TP63: variants seen among roughly 807,000 people sequenced by gnomAD.
TP63 encodes tumor protein 63.
In TP63, 17 loss-of-function variants were observed where a neutral mutation model predicts 82.8. The observed-to-expected ratio is 0.21, with a 90% CI of 0.14 to 0.31. The LOEUF (loss-of-function observed/expected upper bound fraction) is 0.31, where lower values mean the gene tolerates loss of function less well. Among genes scored for constraint, TP63 ranks in the 10% least tolerant of loss-of-function variants. The pLI is 1.00. For synonymous variants in TP63, 330 were observed against 321.7 expected, an observed-to-expected ratio of 1.03 and a Z score of -0.28; for missense variants, 648 against 895.3, an observed-to-expected ratio of 0.72 and a Z score of 3.52.
At chr3:189,631,162 G>A (rs1729436731), upstream of TP63, 3 of 904,304 alleles carry the variant, frequency 3.3e-6, no homozygotes, top group Non-Finnish European at 2.6e-6. Flanking sequence ...GAGATCAGAA[G>A]TTCAGAGATG....
At chr3:189,680,139 A>G (rs191864359) in intron 1 of TP63, among the ~76,000 whole-genome samples, 21 of 152,186 alleles carry the variant, frequency 1.4e-4, no homozygotes, top group Admixed American at 1.3e-3. Flanking sequence ...GAAAACTGCC[A>G]TTGGAATTCT....
intron 1 of TP63, among the ~76,000 whole-genome samples, chr3:189,684,387 G>C (rs1560108723): frequency 6.6e-6 from 1 of 152,084 alleles, no homozygotes. Flanking sequence ...AATTCAAATA[G>C]TGATCAACTC....
At chr3:189,643,467 A>AAAT (rs398052541) in intron 1 of TP63, among the ~76,000 whole-genome samples, 1 of 150,362 alleles carries the variant, frequency 6.7e-6, no homozygotes, top group African/African-American at 2.4e-5. Context: ...AAAAAAAAAA[A>AAAT]CCCTCAATGC....
intron 1 of TP63, among the ~76,000 whole-genome samples, chr3:189,641,693 G>A (rs1711891350): frequency 6.6e-6 from 1 of 151,878 alleles, no homozygotes. Context: ...CATTTGGTTT[G>A]GTTATAATTT....
intron 1 of TP63, among the ~76,000 whole-genome samples, chr3:189,640,983 G>A (rs997600380): frequency 2.6e-5 from 4 of 151,980 alleles, no homozygotes; most frequent in Non-Finnish European, 4.4e-5. Context: ...GATTTTATAC[G>A]ATAATTGTTT....
rs543410500 is a variant in TP63, at chr3:189,646,452, T to C, written c.62+14875T>C. Among the ~76,000 whole-genome samples, 5 of 147,804 alleles carry C rather than the reference T, an allele frequency of 3.4e-5. 2 individuals carry two copies. The East Asian group carries it at 1.2e-3, about 34-fold the overall frequency. ...CTGATACAACTTTATACTTCACATA[T>C]GGTATTTACATTTACTTACTTCAAT... On this transcript the variant is annotated intron_variant, in intron 1 of 13. Coordinates refer to ENST00000264731, the MANE Select transcript of TP63 (RefSeq NM_003722.5).
intron 4 of TP63, among the ~76,000 whole-genome samples, chr3:189,824,899 G>A (rs1729177998): frequency 6.6e-6 from 1 of 151,834 alleles, no homozygotes; most frequent in South Asian, 2.1e-4. Context: ...CAGGGGGAAA[G>A]CAAACTGAGC....
rs757837234 is a variant in TP63 at position 189,889,304 on chromosome 3, G to A, written c.1508-36G>A. The stretch of plus-strand genomic sequence containing the variant: ...ACTGGGATGCTGGTACATGATGATG[G>A]CAGTAACCCTTTTTGTTCCTCCTGC... On this transcript the variant is annotated intron_variant, in intron 11 of 13. Coordinates refer to ENST00000264731, the MANE Select transcript of TP63 (RefSeq NM_003722.5). The A allele has an allele frequency of 2.1e-5, 34 of 1,613,976 alleles. No homozygotes were observed. In the South Asian group the frequency reaches 3.7e-4, roughly 18 times the overall value.
Position 189,808,379 on chromosome 3 carries a change from G to A in TP63, c.432G>A (p.Thr144=), listed in dbSNP as rs200459305. The A allele has an allele frequency of 3.5e-5, 56 of 1,614,144 alleles. No homozygotes were observed. Among genetic ancestry groups the A allele is most frequent in the Middle Eastern group, 1.6e-4 (1 of 6,062 alleles). Residue 144 remains threonine (T), a synonymous_variant, in exon 4 of 14, where the codon ACG becomes ACA. Transcript: ENST00000264731. ...CAGACCACGCGCAGAACAGCGTCACGGCGCCCTCGCCCTACGCACAGCCCA... is the reference window on the plus strand; with the variant it reads ...CAGACCACGCGCAGAACAGCGTCACAGCGCCCTCGCCCTACGCACAGCCCA... The part of the protein sequence containing the change: ...YNTDHAQNSV[T]APSPYAQPSS...
chr3:189,723,476 G>A (rs1719544300), intron 1 of TP63, among the ~76,000 whole-genome samples: 1 of 152,198 alleles, frequency 6.6e-6, no homozygotes, highest in Non-Finnish European at 1.5e-5. Context: ...TCAAATGATA[G>A]CTATCGATTC....
At chr3:189,780,216 C>G (rs1724125457) in intron 3 of TP63, among the ~76,000 whole-genome samples, 1 of 152,124 alleles carries the variant, frequency 6.6e-6, no homozygotes, top group South Asian at 2.1e-4. Flanking sequence ...GAACTAGGGT[C>G]TACAGAGCTG....
the TP63 span, among the ~76,000 whole-genome samples, chr3:189,617,895 G>A: frequency 2.6e-5 from 4 of 152,200 alleles, no homozygotes; most frequent in South Asian, 2.1e-4. Context: ...CCTATGAGTT[G>A]GATTGTAATA....
the TP63 span, among the ~76,000 whole-genome samples, chr3:189,623,174 G>T: frequency 6.6e-6 from 1 of 152,060 alleles, no homozygotes; most frequent in South Asian, 2.1e-4. Flanking sequence ...TGTCTCAATT[G>T]CATCTCCTTG....
chr3:189,819,394 T>C (rs1015473392), intron 4 of TP63, among the ~76,000 whole-genome samples: 2 of 152,090 alleles, frequency 1.3e-5, no homozygotes, highest in African/African-American at 4.8e-5. Context: ...GCTGCACCCA[T>C]TAACTTGTCA....
At chr3:189,622,112 G>A in the TP63 span, among the ~76,000 whole-genome samples, 7 of 152,256 alleles carry the variant, frequency 4.6e-5, no homozygotes, top group South Asian at 2.1e-4. Context: ...TAAACGGTGC[G>A]CACGCCCCAG....
At chr3:189,766,624 A>G (rs1576907958) in intron 3 of TP63, among the ~76,000 whole-genome samples, 1 of 152,188 alleles carries the variant, frequency 6.6e-6, no homozygotes, top group Admixed American at 6.5e-5. Flanking sequence ...TTGCCTAACC[A>G]GTTCATTGGA....
At chr3:189,828,436 A>T (rs984290025) in intron 4 of TP63, among the ~76,000 whole-genome samples, 3 of 152,198 alleles carry the variant, frequency 2.0e-5, no homozygotes, top group African/African-American at 7.2e-5. Flanking sequence ...GGTACTTCTT[A>T]TAAGGACTGT....
Position 189,649,809 on chromosome 3 carries a change from G to A in TP63, c.62+18232G>A, listed in dbSNP as rs1409405901. Among the ~76,000 whole-genome samples the A allele has an allele frequency of 1.4e-5, 2 of 146,766 alleles. 1 individual carries two copies. Among genetic ancestry groups the A allele is most frequent in the African/African-American group, 5.1e-5 (2 of 39,174 alleles). ...AGACAAGGAGTGTAAGATCAGAGTGGCTGGAACAGAGTGAATAAGAACAGG... is the reference window on the plus strand; with the variant it reads ...AGACAAGGAGTGTAAGATCAGAGTGACTGGAACAGAGTGAATAAGAACAGG... On this transcript the variant is annotated intron_variant, in intron 1 of 13. Coordinates refer to ENST00000264731, the MANE Select transcript of TP63 (RefSeq NM_003722.5).
intron 1 of TP63, among the ~76,000 whole-genome samples, chr3:189,693,753 G>A (rs1717127612): frequency 6.6e-6 from 1 of 152,162 alleles, no homozygotes; most frequent in Non-Finnish European, 1.5e-5. Flanking sequence ...GTAAATGATA[G>A]CTCTCTGATC....
Sources: gnomAD v4.1 joint callset for allele counts (sites outside exome capture counted in the v4.1 genomes callset) on GRCh38, gnomAD v4.1.1 for gene constraint, MANE v1.5 for transcripts, NCBI Gene and HGNC (gene_info 2026-07-23, HGNC 2026-07-21) for gene names.